The following PVR variants were observed in gnomAD, a reference collection of about 807,000 sequenced individuals.
The protein encoded by PVR is PVR cell adhesion molecule, also known as poliovirus receptor.
A neutral mutation model predicts 43.3 loss-of-function variants in PVR; 39 were observed. The observed-to-expected ratio is 0.90, with a 90% CI of 0.70 to 1.18. The LOEUF is 1.18. PVR is among the 50% of genes most tolerant of loss of function. PVR has a pLI of 0.00. For synonymous variants in PVR, 224 were observed against 233.2 expected, an observed-to-expected ratio of 0.96 and a Z score of 0.36; for missense variants, 480 against 549.7, an observed-to-expected ratio of 0.87 and a Z score of 1.27.
Position 44,647,221 on chromosome 19 carries a change from A to T in PVR, c.80-2A>T, listed in dbSNP as rs748352481. On this transcript the variant is annotated splice_acceptor_variant, in intron 1 of 7. Transcript: ENST00000425690. LOFTEE classifies it high-confidence loss of function. ...TGACACCTTCTCTTCGGTTCTCCGC[A>T]GGGGACGTCGTCGTGCAGGCGCCCA... 4.6e-6 allele frequency: 7 copies of T among 1,534,552 alleles called. No individual in the cohort carries two copies. In the South Asian group the frequency reaches 8.5e-5, roughly 19 times the overall value.
At chr19:44,646,781 G>A (rs1177454559) in intron 1 of PVR, among the ~76,000 whole-genome samples, 1 of 151,878 alleles carries the variant, frequency 6.6e-6, no homozygotes, top group Non-Finnish European at 1.5e-5. Flanking sequence ...AAAAAAAAAA[G>A]AGAAGAAAAG....
At position 44,661,911 on chromosome 19, in the gene PVR, AC is replaced by A; in HGVS notation, c.*102del. ...ATGGATGAAGACCCCCTCCAAAGAGACCAGCCTCCCTCCCTGTGCCAGACCT... is the reference window on the plus strand; with the variant it reads ...ATGGATGAAGACCCCCTCCAAAGAGACAGCCTCCCTCCCTGTGCCAGACCT... On this transcript the variant is annotated 3_prime_UTR_variant, in exon 8 of 8. Coordinates refer to ENST00000425690, the MANE Select transcript of PVR (RefSeq NM_006505.5). The A allele has an allele frequency of 8.7e-7, 1 of 1,143,210 alleles. No individual in the cohort carries two copies. The highest frequency in any genetic ancestry group is 1.3e-6 in the Non-Finnish European group (1 of 775,464). 70.8% of individuals were successfully genotyped at this position (1,143,210 alleles called of 1,614,324 possible). A position where few individuals can be genotyped will look rare whatever the true frequency, so the allele number is the denominator to read the frequency against.
intron 3 of PVR, among the ~76,000 whole-genome samples, chr19:44,651,386 C>T (rs186065415): frequency 1.7e-4 from 26 of 152,288 alleles, no homozygotes; most frequent in African/African-American, 5.5e-4. Flanking sequence ...AAAGTGCCCC[C>T]TGACACTGTC....
chr19:44,652,671 C>T (rs1483680036), intron 3 of PVR, among the ~76,000 whole-genome samples: 1 of 151,874 alleles, frequency 6.6e-6, no homozygotes, highest in Non-Finnish European at 1.5e-5. Context: ...CGTGAGCCAC[C>T]GCACCCGGCC....
At chr19:44,645,413 G>A (rs1599756784) in intron 1 of PVR, among the ~76,000 whole-genome samples, 4 of 52,104 alleles carry the variant, frequency 7.7e-5, no homozygotes, top group African/African-American at 3.6e-4. Flanking sequence ...TATATGTTTT[G>A]TGTATATATA....
chr19:44,650,104 C>T lies in PVR; in HGVS notation c.723C>T (p.Tyr241=). The T allele has an allele frequency of 6.6e-7, 1 of 1,520,738 alleles. No homozygotes were observed. The highest frequency in any genetic ancestry group is 8.8e-7 in the Non-Finnish European group (1 of 1,133,100). The allele number at this position is 1,520,738 out of a possible 1,614,324, so 94.2% of individuals were successfully genotyped here. ...PQLLTVNLTV[Y]YPPEVSISGY... is the part of the protein sequence containing the mutation. ...TGCTGACTGTGAACCTCACCGTGTA[C>T]TGTGAGTGTGCCCAAGTCAGCGATG... is the stretch of plus-strand genomic sequence containing the variant. Residue 241 remains tyrosine, a splice_region_variant and synonymous_variant, in exon 3 of 8, where the codon TAC becomes TAT. Transcript: ENST00000425690.
chr19:44,652,260 A>G (rs927342145), intron 3 of PVR, among the ~76,000 whole-genome samples: 7 of 152,196 alleles, frequency 4.6e-5, no homozygotes, highest in African/African-American at 7.2e-5. Context: ...GTGCAGTGGC[A>G]CAGCTCCCTG....
At chr19:44,646,714 G>A (rs1973123770) in intron 1 of PVR, among the ~76,000 whole-genome samples, 1 of 152,154 alleles carries the variant, frequency 6.6e-6, no homozygotes, top group Non-Finnish European at 1.5e-5. Context: ...AGAGCTTGCA[G>A]TGAGCAGAGA....
chr19:44,647,382 A>G lies in PVR; in HGVS notation c.239A>G (p.Gln80Arg), dbSNP rs1392353707. ...GESGSMAVFH[Q>R]TQGPSYSESK... The stretch of plus-strand genomic sequence containing the variant: ...TCTGGCAGCATGGCCGTCTTCCACC[A>G]AACGCAGGGCCCCAGCTATTCGGAG... Residue 80 changes from glutamine (Q) to arginine (R), a missense_variant, in exon 2 of 8, where the codon CAA becomes CGA. Coordinates refer to ENST00000425690, the MANE Select transcript of PVR (RefSeq NM_006505.5). 6.2e-7 allele frequency: 1 copy of G among 1,613,934 alleles called. No individual in the cohort carries two copies. The highest frequency in any genetic ancestry group is 1.7e-5 in the Admixed American group (1 of 60,010).
Position 44,657,844 on chromosome 19 carries a change from A to G in PVR, c.925A>G (p.Thr309Ala). 1 of 1,613,930 alleles carries G rather than the reference A, an allele frequency of 6.2e-7. No individual in the cohort carries two copies. The highest frequency in any genetic ancestry group is 1.1e-5 in the South Asian group (1 of 91,070). ...IRPVDKPINT[T>A]LICNVTNALG... ...TCCTGTGGACAAACCAATCAACACA[A>G]CTTTAATCTGCAACGTCACCAATGC... is the stretch of plus-strand genomic sequence containing the variant. Residue 309 changes from threonine (T) to alanine (A), a missense_variant, in exon 5 of 8, where the codon ACT becomes GCT. Transcript: ENST00000425690.
At chr19:44,655,832 T>A (rs1171222807) in intron 4 of PVR, among the ~76,000 whole-genome samples, 1 of 151,886 alleles carries the variant, frequency 6.6e-6, no homozygotes, top group Non-Finnish European at 1.5e-5. Flanking sequence ...TCAATCATAT[T>A]ATGCATTTCA....
chr19:44,644,768 T>G (rs1599755187), intron 1 of PVR, among the ~76,000 whole-genome samples: 2 of 147,226 alleles, frequency 1.4e-5, no homozygotes, highest in South Asian at 4.2e-4. Flanking sequence ...CAGGCTGGAG[T>G]GCAGTGTCCT....
intron 3 of PVR, among the ~76,000 whole-genome samples, chr19:44,653,483 C>G (rs1219787192): frequency 6.6e-6 from 1 of 152,226 alleles, no homozygotes; most frequent in Non-Finnish European, 1.5e-5. Context: ...CGCTGTCAAT[C>G]ACGTATGGGA....
At chr19:44,654,674 G>A (rs1285663104) in intron 4 of PVR, among the ~76,000 whole-genome samples, 1 of 152,210 alleles carries the variant, frequency 6.6e-6, no homozygotes, top group Non-Finnish European at 1.5e-5. Flanking sequence ...CCGCCTCTTG[G>A]CCAAGCTTGT....
chr19:44,656,309 G>A (rs543993605), intron 4 of PVR, among the ~76,000 whole-genome samples: 1 of 152,302 alleles, frequency 6.6e-6, no homozygotes, highest in African/African-American at 2.4e-5. Flanking sequence ...CTGGTCACTT[G>A]TCAGCAGTTG....
chr19:44,648,767 G>A (rs1212315586), intron 2 of PVR, among the ~76,000 whole-genome samples: 1 of 152,178 alleles, frequency 6.6e-6, no homozygotes, highest in East Asian at 1.9e-4. Context: ...ACTGTGCCTA[G>A]CACACAACAC....
chr19:44,654,203 T>C lies in PVR; in HGVS notation c.842+186T>C, dbSNP rs1307172226. 2.4e-3 allele frequency among the ~76,000 whole-genome samples: 321 copies of C among 132,130 alleles called. 1 individual carries two copies. The highest frequency in any genetic ancestry group is 8.6e-3 in the African/African-American group (284 of 33,188). The allele number at this position is 132,130 out of a possible 152,430, so 86.7% of individuals were successfully genotyped here. A position where few individuals can be genotyped will look rare whatever the true frequency, so the allele number is the denominator to read the frequency against. On this transcript the variant is annotated intron_variant, in intron 4 of 7. Coordinates refer to ENST00000425690, the MANE Select transcript of PVR (RefSeq NM_006505.5). ...TCTGAGGGAAGAGGGGCTGGGGGTC[T>C]GGACCCCTGGGACTGAGAGAGGAGG...
At position 44,644,484 on chromosome 19, in the gene PVR, A is replaced by G. The variant is rs533132038; in HGVS notation, c.79+309A>G. Among the ~76,000 whole-genome samples the G allele has an allele frequency of 6.6e-5, 10 of 152,188 alleles. No homozygotes were observed. The South Asian group carries it at 2.1e-3, about 32-fold the overall frequency. ...TGGAGTTGGGTGAGGAAATTTCCCAAAAAGGCAAGTGAATCCCGGAAAATC... is the reference window on the plus strand; with the variant it reads ...TGGAGTTGGGTGAGGAAATTTCCCAGAAAGGCAAGTGAATCCCGGAAAATC... On this transcript the variant is annotated intron_variant, in intron 1 of 7. Coordinates refer to ENST00000425690, the MANE Select transcript of PVR (RefSeq NM_006505.5).
At chr19:44,655,889 AGGCAG>A (rs1271519773) in intron 4 of PVR, among the ~76,000 whole-genome samples, 1 of 37,056 alleles carries the variant, frequency 2.7e-5, no homozygotes, top group African/African-American at 1.0e-4. Flanking sequence ...TTTTTTTTTG[AGGCAG>A]GGCCTCACTC....
Sources: gnomAD v4.1 joint callset for allele counts (sites outside exome capture counted in the v4.1 genomes callset) on GRCh38, gnomAD v4.1.1 for gene constraint, MANE v1.5 for transcripts, NCBI Gene and HGNC (gene_info 2026-07-23, HGNC 2026-07-21) for gene names.